RYR2: variants seen among roughly 807,000 people sequenced by gnomAD.
RYR2 encodes the protein cardiac muscle ryanodine receptor-calcium release channel.
A neutral mutation model predicts 601.1 loss-of-function variants in RYR2; 227 were observed. The ratio of observed to expected loss-of-function variants is 0.38; its 90% confidence interval spans 0.34 to 0.42. The LOEUF is 0.42. Among genes scored for constraint, RYR2 ranks in the 10% least tolerant of loss-of-function variants. The pLI is 1.00. For synonymous variants in RYR2, 2,223 were observed against 2,175.1 expected, an observed-to-expected ratio of 1.02 and a Z score of -0.61; for missense variants, 4,646 against 6,156.5, an observed-to-expected ratio of 0.75 and a Z score of 8.21.
At chr1:237,111,592 A>T (rs1178486177) in intron 1 of RYR2, among the ~76,000 whole-genome samples, 3 of 14,690 alleles carry the variant, frequency 2.0e-4, no homozygotes, top group East Asian at 0.011. Flanking sequence ...CGTCTCTTTA[A>T]AAAAAAAAAA....
intron 2 of RYR2, among the ~76,000 whole-genome samples, chr1:237,330,579 G>A (rs900136728): frequency 1.3e-5 from 2 of 152,138 alleles, no homozygotes; most frequent in African/African-American, 4.8e-5. Flanking sequence ...GTAGAGATGG[G>A]GTTTCACTAT....
intron 1 of RYR2, among the ~76,000 whole-genome samples, chr1:237,107,519 CA>C (rs71561857): frequency 0.018 from 681 of 38,906 alleles, 25 homozygotes; most frequent in African/African-American, 0.046. Flanking sequence ...GACTCCATCT[CA>C]AAAAAAAAAA....
At chr1:237,290,085 C>T (rs992973689) in intron 2 of RYR2, among the ~76,000 whole-genome samples, 1 of 152,036 alleles carries the variant, frequency 6.6e-6, no homozygotes, top group South Asian at 2.1e-4. Flanking sequence ...GTCTTGTACT[C>T]GTATGTTTGG....
intron 1 of RYR2, among the ~76,000 whole-genome samples, chr1:237,240,338 A>G (rs1268327155): frequency 6.6e-6 from 1 of 152,150 alleles, no homozygotes; most frequent in Non-Finnish European, 1.5e-5. Flanking sequence ...AGTGAATCCA[A>G]ATATAATTCT....
intron 17 of RYR2, among the ~76,000 whole-genome samples, chr1:237,482,009 T>G (rs1662165892): frequency 6.6e-6 from 1 of 152,154 alleles, no homozygotes; most frequent in African/African-American, 2.4e-5. Flanking sequence ...TTAGCATTTA[T>G]TAAACCCTAA....
chr1:237,275,273 A>C (rs1690153202), intron 2 of RYR2, among the ~76,000 whole-genome samples: 1 of 152,080 alleles, frequency 6.6e-6, no homozygotes, highest in Non-Finnish European at 1.5e-5. Context: ...ATTATAAGTG[A>C]GTTTGACTTA....
intron 16 of RYR2, among the ~76,000 whole-genome samples, chr1:237,466,079 C>A (rs1660054355): frequency 6.6e-6 from 1 of 152,148 alleles, no homozygotes; most frequent in Non-Finnish European, 1.5e-5. Flanking sequence ...TGAAAAAATA[C>A]ATATCTATAT....
intron 1 of RYR2, among the ~76,000 whole-genome samples, chr1:237,262,331 C>T (rs1688628361): frequency 7.1e-6 from 1 of 140,512 alleles, no homozygotes; most frequent in Non-Finnish European, 1.5e-5. Context: ...TCTTGGCTCA[C>T]TGCAACCTCC....
rs1464154262 is a variant in RYR2 at position 237,590,007 on chromosome 1, CT to C, written c.3807+11del. ...CAAACCATGAACATATAGAGGTTTG[CT>C]TTTTCTTTAAAAATCAGGCCATTTC... On this transcript the variant is annotated splice_region_variant and intron_variant, in intron 30 of 104. Transcript: ENST00000366574. 1 of 1,605,594 alleles carries C rather than the reference CT, an allele frequency of 6.2e-7. No homozygotes were observed. Among genetic ancestry groups the C allele is most frequent in the Non-Finnish European group, 8.5e-7 (1 of 1,175,646 alleles).
chr1:237,821,870 G>C (rs913661244), intron 101 of RYR2, among the ~76,000 whole-genome samples: 1 of 151,636 alleles, frequency 6.6e-6, no homozygotes, highest in Non-Finnish European at 1.5e-5. Flanking sequence ...CAAGAACTTT[G>C]TGAAGCATAT....
intron 1 of RYR2, among the ~76,000 whole-genome samples, chr1:237,116,841 C>T (rs1670136308): frequency 1.3e-5 from 2 of 152,086 alleles, no homozygotes; most frequent in Non-Finnish European, 2.9e-5. Flanking sequence ...CTATTCAGGC[C>T]CTGAATGGAT....
At position 237,783,852 on chromosome 1, in the gene RYR2, A is replaced by G. The variant is rs1471062929; in HGVS notation, c.12140A>G (p.Asp4047Gly). The G allele has an allele frequency of 6.2e-7, 1 of 1,613,906 alleles. No homozygotes were observed. The highest frequency in any genetic ancestry group is 2.2e-5 in the East Asian group (1 of 44,846). Residue 4047 changes from aspartate (D) to glycine (G), a missense_variant, in exon 90 of 105, where the codon GAC becomes GGC. Around this residue, in one of 17 missense-constraint regions of RYR2, gnomAD observed 66 missense variants for 80.7 expected, o/e 0.82. Transcript: ENST00000366574. ...GGCAAGGGAGTCATTTCCAAGAGGG[A>G]CTTCCACAAAGCGATGGAGAGCCAT... Reference protein sequence around the residue: ...PDGKGVISKRDFHKAMESHKH... With the variant: ...PDGKGVISKRGFHKAMESHKH...
intron 34 of RYR2, among the ~76,000 whole-genome samples, chr1:237,599,727 G>T (rs1676284635): frequency 6.7e-6 from 1 of 150,312 alleles, no homozygotes; most frequent in Non-Finnish European, 1.5e-5. Flanking sequence ...GGAGGCTGAG[G>T]CAGGAGAATC....
intron 2 of RYR2, among the ~76,000 whole-genome samples, chr1:237,308,755 G>A (rs369924675): frequency 2.0e-5 from 3 of 152,206 alleles, no homozygotes; most frequent in East Asian, 1.9e-4. Flanking sequence ...AGGCGTGAAA[G>A]AACAAAGCTT....
Position 237,706,974 on chromosome 1 carries a change from A to G in RYR2, c.9606A>G (p.Glu3202=). 6.2e-7 allele frequency: 1 copy of G among 1,613,084 alleles called. No homozygotes were observed. The highest frequency in any genetic ancestry group is 8.5e-7 in the Non-Finnish European group (1 of 1,179,070). ...RAALSLPTNV[E]DVCPNIPSLE... ...CTCTCAGTTTGCCAACTAATGTGGA[A>G]GATGTTTGTCCAAACATACCGTCTT... The change falls in exon 68 of 105, where the codon GAA becomes GAG. Residue 3202 remains glutamate, a synonymous_variant. Transcript: ENST00000366574.
intron 1 of RYR2, among the ~76,000 whole-genome samples, chr1:237,221,899 T>C (rs1311904522): frequency 1.3e-5 from 2 of 152,134 alleles, no homozygotes; most frequent in African/African-American, 4.8e-5. Context: ...TCATAGTCTT[T>C]CAACTGAATG....
Position 237,042,461 on chromosome 1 carries a change from C to G in RYR2, c.-61C>G. 1 of 1,211,088 alleles carries G rather than the reference C, an allele frequency of 8.3e-7. No individual in the cohort carries two copies. Among genetic ancestry groups the G allele is most frequent in the Non-Finnish European group, 1.0e-6 (1 of 960,604 alleles). The allele number at this position is 1,211,088 out of a possible 1,614,324, so 75.0% of individuals were successfully genotyped here. ...AGAAGCAGAAGGCAGCGCCAGGGGC[C>G]GCCGCCGCCGCCGAGCTCCGCGGGG... is the stretch of plus-strand genomic sequence containing the variant. On this transcript the variant is annotated 5_prime_UTR_variant, in exon 1 of 105. Transcript: ENST00000366574.
At chr1:237,573,372 A>G (rs777337324) in intron 29 of RYR2, among the ~76,000 whole-genome samples, 14 of 151,878 alleles carry the variant, frequency 9.2e-5, no homozygotes, top group East Asian at 2.0e-4. Context: ...CTTTCTATCT[A>G]TTGCATAGTT....
At chr1:237,309,006 CTGAT>C (rs1319985292) in intron 2 of RYR2, among the ~76,000 whole-genome samples, 13 of 152,240 alleles carry the variant, frequency 8.5e-5, no homozygotes, top group Admixed American at 8.5e-4. Flanking sequence ...ACACAGAGCA[CTGAT>C]TGGTGCATTT....
Sources: gnomAD v4.1 joint callset for allele counts (sites outside exome capture counted in the v4.1 genomes callset) on GRCh38, gnomAD v4.1.1 for gene constraint, gnomAD v4.1.1 regional missense constraint, MANE v1.5 for transcripts, NCBI Gene and HGNC (gene_info 2026-07-23, HGNC 2026-07-21) for gene names.